The following MEGF8 variants were observed in gnomAD, a reference collection of about 807,000 sequenced individuals.
MEGF8 encodes the protein multiple epidermal growth factor-like domains protein 8.
In MEGF8, 156 loss-of-function variants were observed where a neutral mutation model predicts 302.9. The ratio of observed to expected loss-of-function variants is 0.52; its 90% CI spans 0.45 to 0.59. The LOEUF (loss-of-function observed/expected upper bound fraction) is 0.59. Ranked by LOEUF, MEGF8 falls within the 20% of genes least tolerant of loss-of-function variation. The probability of loss-of-function intolerance (pLI) is 0.00; values close to 1 mark genes in which losing one functional copy is unlikely to be tolerated. For synonymous variants in MEGF8, 1,621 were observed against 1,660.5 expected, an observed-to-expected ratio of 0.98 and a Z score of 0.58; for missense variants, 3,345 against 3,964.5, an observed-to-expected ratio of 0.84 and a Z score of 4.20.
Position 42,343,638 on chromosome 19 carries a change from A to G in MEGF8, c.1668+7A>G, listed in dbSNP as rs2039245714. On this transcript the variant is annotated splice_region_variant and intron_variant, in intron 9 of 41. Coordinates refer to ENST00000251268, the MANE Select transcript of MEGF8 (RefSeq NM_001271938.2). ...CCAGGCACCTGCCCCTGACGTGAGC[A>G]CTGGGGTGACAGGGAAAGGGTGGCT... 3 of 1,595,372 alleles carry G rather than the reference A, an allele frequency of 1.9e-6. No individual in the cohort carries two copies. Among genetic ancestry groups the G allele is most frequent in the African/African-American group, 1.3e-5 (1 of 74,514 alleles).
intron 23 of MEGF8, among the ~76,000 whole-genome samples, chr19:42,355,500 G>A (rs931657938): frequency 2.6e-5 from 4 of 152,066 alleles, no homozygotes; most frequent in Non-Finnish European, 5.9e-5. Flanking sequence ...GATGGGTGCC[G>A]GTGTCCAGGT....
chr19:42,336,255 C>T lies in MEGF8; in HGVS notation c.1153C>T (p.Arg385Trp), dbSNP rs760775705. The change falls in exon 6 of 42, where the codon CGG (arginine) becomes TGG (tryptophan). Residue 385 changes from arginine (R) to tryptophan (W), a missense_variant. Coordinates refer to ENST00000251268, the MANE Select transcript of MEGF8 (RefSeq NM_001271938.2). The surrounding 1 kb of genome is among the most constrained non-coding windows in gnomAD (Gnocchi z 4.8). The part of the protein sequence containing the change: ...YWEQVIPAGG[R>W]PPAATGHSMV... ...GGAGCAGGTGATTCCGGCAGGCGGA[C>T]GGCCCCCTGCTGCCACTGGCCACTC... is the stretch of plus-strand genomic sequence containing the variant. 2.7e-5 allele frequency: 44 copies of T among 1,606,332 alleles called. No homozygotes were observed. The highest frequency in any genetic ancestry group is 1.1e-4 in the South Asian group (10 of 91,060).
chr19:42,344,934 A>G lies in MEGF8; in HGVS notation c.2097+101A>G. 1 of 1,218,522 alleles carries G rather than the reference A, an allele frequency of 8.2e-7. No individual in the cohort carries two copies. The highest frequency in any genetic ancestry group is 1.1e-6 in the Non-Finnish European group (1 of 916,548). 75.5% of individuals were successfully genotyped at this position (1,218,522 alleles called of 1,614,324 possible). A position where few individuals can be genotyped will look rare whatever the true frequency, so the allele number is the denominator to read the frequency against. ...TTATCACTCTTATGTTTACTCCAAA[A>G]CTCTTTACATTCAAGGGTCTTATTT... is the stretch of plus-strand genomic sequence containing the variant. On this transcript the variant is annotated intron_variant, in intron 12 of 41. Transcript: ENST00000251268. This position sits in a 1 kb window ranked among gnomAD's most constrained non-coding sequence, Gnocchi z 4.5.
chr19:42,334,261 C>T (rs747255696), intron 3 of MEGF8, 48 bp downstream of exon 3: 57 of 1,503,706 alleles, frequency 3.8e-5, no homozygotes, highest in South Asian at 6.3e-5. Flanking sequence ...GATCTGTGAG[C>T]GCAGCCTCCA....
rs1423088929 is a variant in MEGF8, at chr19:42,357,917, G to A, written c.5012-227G>A. ...ATTCTGGACGCCCTGTCTCCCTCCCGAGAGCCTGGCAGAACTTACTGCCAG... is the reference window on the plus strand; with the variant it reads ...ATTCTGGACGCCCTGTCTCCCTCCCAAGAGCCTGGCAGAACTTACTGCCAG... On this transcript the variant is annotated intron_variant, in intron 28 of 41. Transcript: ENST00000251268. This position sits in a 1 kb window ranked among gnomAD's most constrained non-coding sequence, Gnocchi z 5.2. Among the ~76,000 whole-genome samples the A allele has an allele frequency of 1.3e-5, 2 of 152,098 alleles. No individual in the cohort carries two copies. Among genetic ancestry groups the A allele is most frequent in the African/African-American group, 2.4e-5 (1 of 41,410 alleles).
Position 42,356,715 on chromosome 19 carries a change from C to G in MEGF8, c.4623-59C>G. 6.8e-7 allele frequency: 1 copy of G among 1,478,886 alleles called. No individual in the cohort carries two copies. Among genetic ancestry groups the G allele is most frequent in the South Asian group, 1.3e-5 (1 of 75,028 alleles). The allele number at this position is 1,478,886 out of a possible 1,614,324, so 91.6% of individuals were successfully genotyped here. A position where few individuals can be genotyped will look rare whatever the true frequency, so the allele number is the denominator to read the frequency against. ...TGCGGGGACATCTGTCAGGCAGGGT[C>G]ACCTTGAAGGATGCTGGGATGACTG... On this transcript the variant is annotated intron_variant, in intron 26 of 41. Transcript: ENST00000251268. The surrounding 1 kb of genome is among the most constrained non-coding windows in gnomAD (Gnocchi z 5.2).
chr19:42,370,738 A>C lies in MEGF8; in HGVS notation c.7043A>C (p.Glu2348Ala). Reference sequence around the variant, plus strand: ...GTGACAGAGGGTCCTAGTGAAGACGAGGCCGTGTGCGTGAACTGCCAGAAT... The same window carrying C: ...GTGACAGAGGGTCCTAGTGAAGACGCGGCCGTGTGCGTGAACTGCCAGAAT... ...NWVTEGPSEDEAVCVNCQNNS... is the reference protein window; with the variant it reads ...NWVTEGPSEDAAVCVNCQNNS... Residue 2348 changes from glutamate to alanine, a missense_variant, in exon 40 of 42, where the codon GAG (glutamate) becomes GCG (alanine). Physicochemically the swap from Glu to Ala is moderately radical, Grantham distance 107 (BLOSUM62 -1). Transcript: ENST00000251268. The C allele has an allele frequency of 6.3e-7, 1 of 1,587,864 alleles. No homozygotes were observed. The highest frequency in any genetic ancestry group is 8.6e-7 in the Non-Finnish European group (1 of 1,167,266).
Position 42,362,077 on chromosome 19 carries a change from T to G in MEGF8, c.5721-13T>G. ...TGGATGGGTGTGAGTGAGCCAGGCCTCATGTCCTTTAGGCTGGGCTGCGGG... is the reference window on the plus strand; with the variant it reads ...TGGATGGGTGTGAGTGAGCCAGGCCGCATGTCCTTTAGGCTGGGCTGCGGG... On this transcript the variant is annotated splice_polypyrimidine_tract_variant and intron_variant, in intron 32 of 41. Coordinates refer to ENST00000251268, the MANE Select transcript of MEGF8 (RefSeq NM_001271938.2). 1 of 1,611,166 alleles carries G rather than the reference T, an allele frequency of 6.2e-7. No individual in the cohort carries two copies.
intron 1 of MEGF8, among the ~76,000 whole-genome samples, chr19:42,331,165 G>A (rs551227313): frequency 6.6e-6 from 1 of 152,276 alleles, no homozygotes; most frequent in East Asian, 1.9e-4. Context: ...TCATCACCTC[G>A]TTGAATGTTC....
Position 42,376,619 on chromosome 19 carries a change from C to T in MEGF8, c.8382C>T (p.Pro2794=). ...AGCTGCCTGGCGGGCCCCATGCACC[C>T]AACGGCGCCTGCCTGGGGTCAGCCC... ...LLQLPGGPHA[P]NGACLGSALV... Residue 2794 remains proline (P), a synonymous_variant, in exon 42 of 42, where the codon CCC becomes CCT. Transcript: ENST00000251268. This position sits in a 1 kb window ranked among gnomAD's most constrained non-coding sequence, Gnocchi z 8.2. 1 of 1,544,784 alleles carries T rather than the reference C, an allele frequency of 6.5e-7. No individual in the cohort carries two copies. Among genetic ancestry groups the T allele is most frequent in the Non-Finnish European group, 8.7e-7 (1 of 1,147,744 alleles).
chr19:42,360,824 G>T lies in MEGF8; in HGVS notation c.5538G>T (p.Val1846=). 1 of 1,607,490 alleles carries T rather than the reference G, an allele frequency of 6.2e-7. No homozygotes were observed. The highest frequency in any genetic ancestry group is 1.1e-5 in the South Asian group (1 of 90,352). The change falls in exon 32 of 42, where the codon GTG becomes GTT. Residue 1846 remains valine, a synonymous_variant. Transcript: ENST00000251268. Reference sequence around the variant, plus strand: ...TGGAGGAGTCTGTGGCCCATGCTGTGGCAGCAGTCGGGAGCCGCCTGTATA... The same window carrying T: ...TGGAGGAGTCTGTGGCCCATGCTGTTGCAGCAGTCGGGAGCCGCCTGTATA... ...PPMEESVAHA[V]AAVGSRLYIS...
chr19:42,362,581 G>A lies in MEGF8; in HGVS notation c.6042G>A (p.Arg2014=), dbSNP rs1441030864. ...GGGAGGGCAAGTGCATGTGGACGCG[G>A]CAGTTCAAGAGGACAGGTGAGCAGT... ...CTREGKCMWT[R]QFKRTGETRR... Residue 2014 remains arginine, a synonymous_variant, in exon 34 of 42, where the codon CGG becomes CGA. Transcript: ENST00000251268. The A allele has an allele frequency of 4.3e-6, 7 of 1,612,368 alleles. No homozygotes were observed. The highest frequency in any genetic ancestry group is 1.7e-5 in the Admixed American group (1 of 60,004).
chr19:42,345,801 C>T (rs1411304583), intron 12 of MEGF8, among the ~76,000 whole-genome samples: 1 of 152,198 alleles, frequency 6.6e-6, no homozygotes, highest in Non-Finnish European at 1.5e-5. Context: ...ATTCTTGTGG[C>T]TGTATACCTA....
Position 42,333,534 on chromosome 19 carries a change from G to C in MEGF8, c.188-71G>C, listed in dbSNP as rs1600011660. The C allele has an allele frequency of 6.7e-6, 10 of 1,486,876 alleles. No homozygotes were observed. The East Asian group carries it at 2.0e-4, about 30-fold the overall frequency. 92.1% of individuals were successfully genotyped at this position (1,486,876 alleles called of 1,614,324 possible). On this transcript the variant is annotated intron_variant, in intron 1 of 41. Transcript: ENST00000251268. ...CTGGATCAGGGTTTGGTGTACAATT[G>C]TGGGAGGCTGCAGGGAGGTGTGGGG...
intron 8 of MEGF8, among the ~76,000 whole-genome samples, chr19:42,339,182 C>CA (rs2039178672): frequency 6.6e-6 from 1 of 152,122 alleles, no homozygotes; most frequent in African/African-American, 2.4e-5. Context: ...AGGTTGATTC[C>CA]ATGTCTTTGC....
rs780513971 is a variant in MEGF8, at chr19:42,337,198, C to G, written c.1505C>G (p.Thr502Ser). ...GGAGCTGAGCTTGCCCCGCCAGGAA[C>G]CCCTGAGGGTGAGTGGTCCCTGTTC... ...VSGAELAPPG[T>S]PEGRAAPPSG... Residue 502 changes from threonine (T) to serine (S), a missense_variant, in exon 8 of 42, where the codon ACC (threonine) becomes AGC (serine). By Grantham distance (58) the Thr-to-Ser change is moderately conservative. Transcript: ENST00000251268. The G allele has an allele frequency of 9.3e-5, 150 of 1,613,610 alleles. No homozygotes were observed. Among genetic ancestry groups the G allele is most frequent in the Non-Finnish European group, 1.2e-4 (144 of 1,179,892 alleles).
intron 12 of MEGF8, among the ~76,000 whole-genome samples, chr19:42,347,093 A>G (rs987757179): frequency 1.3e-5 from 2 of 151,900 alleles, no homozygotes; most frequent in Non-Finnish European, 2.9e-5. Flanking sequence ...AAAATTATCT[A>G]GCTCCAGCAT....
Position 42,344,537 on chromosome 19 carries a change from G to A in MEGF8, c.1885G>A (p.Gly629Ser). The change falls in exon 11 of 42, where the codon GGC (glycine) becomes AGC (serine). Residue 629 changes from glycine to serine, a missense_variant. Transcript: ENST00000251268. This position sits in a 1 kb window ranked among gnomAD's most constrained non-coding sequence, Gnocchi z 4.5. ...SSPTAPPRGP[G>S]TLGWCVHNES... ...CCCCACAGCCCCTCCACGGGGACCT[G>A]GCACCCTGGGCTGGTGCGTGCACAA... The A allele has an allele frequency of 6.2e-7, 1 of 1,600,068 alleles. No individual in the cohort carries two copies. The highest frequency in any genetic ancestry group is 8.5e-7 in the Non-Finnish European group (1 of 1,179,028).
chr19:42,337,051 C>T (rs2039138494), intron 7 of MEGF8, 33 bp from the exon 8 acceptor site: 1 of 1,613,198 alleles, frequency 6.2e-7, no homozygotes, highest in African/African-American at 1.3e-5. Context: ...CTCCCCTAGG[C>T]TTGCCAGCTA....
Sources: gnomAD v4.1 joint callset for allele counts (sites outside exome capture counted in the v4.1 genomes callset) on GRCh38, gnomAD v4.1.1 for gene constraint, Gnocchi (gnomAD v3.1) non-coding constraint, MANE v1.5 for transcripts, NCBI Gene and HGNC (gene_info 2026-07-23, HGNC 2026-07-21) for gene names.